Variants in MDGA2 observed in about 807,000 individuals in gnomAD.
MDGA2 encodes MAM domain-containing glycosylphosphatidylinositol anchor protein 2.
In MDGA2, 40 loss-of-function variants were observed where a neutral mutation model predicts 117.8. The ratio of observed to expected loss-of-function variants is 0.34; its 90% CI spans 0.26 to 0.44. The LOEUF (loss-of-function observed/expected upper bound fraction) is 0.44. MDGA2 is among the 20% of genes least tolerant of loss of function. The probability of loss-of-function intolerance (pLI) is 1.00; values close to 1 mark genes in which losing one functional copy is unlikely to be tolerated. For missense variants in MDGA2, 1,123 were observed against 1,250.6 expected (o/e 0.90, Z 1.54); for synonymous variants, 452 against 439.0 (o/e 1.03, Z -0.37).
In MDGA2 at chr14:47,096,935, C is replaced by A. The variant is rs1339011674; in HGVS notation, c.1114G>T (p.Asp372Tyr). The change falls in exon 6 of 17, where the codon GAT (aspartate) becomes TAT (tyrosine). Residue 372 changes from aspartate to tyrosine, a missense_variant. By Grantham distance (160) the Asp-to-Tyr change is radical (BLOSUM62 -3). Around this residue, in one of 2 missense-constraint regions of MDGA2, gnomAD observed 890 missense variants for 1,050.3 expected, o/e 0.85. Transcript: ENST00000399232. ...ATGCAGCTGTAAGTACCAGCATCAT[C>A]TGAGGTGATGGCAGGTATGGTCAAA... ...GTLTIPAITS[D>Y]DAGTYSCIAN... 6.2e-7 allele frequency: 1 copy of A among 1,613,266 alleles called. No homozygotes were observed. Among genetic ancestry groups the A allele is most frequent in the Non-Finnish European group, 8.5e-7 (1 of 1,179,516 alleles).
intron 2 of MDGA2, among the ~76,000 whole-genome samples, chr14:47,226,133 A>C (rs1424305539): frequency 1.3e-5 from 2 of 151,666 alleles, no homozygotes; most frequent in African/African-American, 2.4e-5. Flanking sequence ...TCTACAAAAA[A>C]TAAAAATAAA....
chr14:47,301,099 A>T (rs567044685), intron 2 of MDGA2, among the ~76,000 whole-genome samples: 27 of 152,274 alleles, frequency 1.8e-4, no homozygotes, highest in Admixed American at 7.2e-4. Context: ...TATCCTACTG[A>T]GATATTTTTG....
At chr14:47,323,149 GATATATATATATAT>G (rs58765297) in intron 1 of MDGA2, among the ~76,000 whole-genome samples, 2,203 of 107,624 alleles carry the variant, frequency 0.02, 66 homozygotes, top group East Asian at 0.1. Flanking sequence ...AAGAGTCATG[GATATATATATATAT>G]ATATATATAT....
chr14:47,051,630 C>T (rs1889460414), intron 7 of MDGA2, among the ~76,000 whole-genome samples: 1 of 151,828 alleles, frequency 6.6e-6, no homozygotes, highest in Non-Finnish European at 1.5e-5. Flanking sequence ...AAAGAAAGAG[C>T]TTTAAGACAT....
intron 14 of MDGA2, among the ~76,000 whole-genome samples, chr14:46,859,467 TGA>T (rs1405157337): frequency 2.0e-5 from 3 of 152,186 alleles, no homozygotes; most frequent in African/African-American, 7.2e-5. Flanking sequence ...CAGATTCCAA[TGA>T]CATCAATTGT....
chr14:47,589,258 C>T (rs1896390932), intron 1 of MDGA2, among the ~76,000 whole-genome samples: 1 of 151,968 alleles, frequency 6.6e-6, no homozygotes, highest in African/African-American at 2.4e-5. Flanking sequence ...CATTGCCTAA[C>T]CTAAACTCAT....
intron 1 of MDGA2, among the ~76,000 whole-genome samples, chr14:47,588,226 GGAGATAGATA>G (rs1896363236): frequency 1.2e-5 from 1 of 84,970 alleles, no homozygotes; most frequent in African/African-American, 5.3e-5. Flanking sequence ...CAAATCTCTT[GGAGATAGATA>G]GATATATATA....
intron 10 of MDGA2, among the ~76,000 whole-genome samples, chr14:46,912,079 G>A (rs561668600): frequency 8.5e-5 from 13 of 152,072 alleles, no homozygotes; most frequent in Non-Finnish European, 1.5e-4. Flanking sequence ...ATCCACAGAC[G>A]AGGGAGAATA....
At chr14:46,972,840 C>T (rs1283513994) in intron 8 of MDGA2, among the ~76,000 whole-genome samples, 1 of 152,018 alleles carries the variant, frequency 6.6e-6, no homozygotes, top group Non-Finnish European at 1.5e-5. Context: ...AAAAGAAAAA[C>T]TACAGACTGG....
chr14:47,289,621 A>G (rs12431629), intron 2 of MDGA2, among the ~76,000 whole-genome samples: 13,832 of 152,112 alleles, frequency 0.091, 774 homozygotes, highest in Non-Finnish European at 0.11. Context: ...TAAAAAAATT[A>G]CAACTGTTTT....
chr14:47,226,228 A>AATAC (rs996924731), intron 2 of MDGA2, among the ~76,000 whole-genome samples: 2 of 144,814 alleles, frequency 1.4e-5, no homozygotes, highest in African/African-American at 5.0e-5. Context: ...TAAATAAATA[A>AATAC]ATAAATAAAT....
intron 9 of MDGA2, among the ~76,000 whole-genome samples, chr14:46,922,048 A>G (rs114724274): frequency 1.1e-3 from 168 of 152,286 alleles, no homozygotes; most frequent in African/African-American, 4.0e-3. Context: ...TTCAAAGAGA[A>G]TCAAGAAGAG....
intron 1 of MDGA2, among the ~76,000 whole-genome samples, chr14:47,305,695 G>A (rs1889420599): frequency 6.6e-6 from 1 of 152,142 alleles, no homozygotes. Context: ...ACTCTGTGCT[G>A]GGGATATGAT....
intron 7 of MDGA2, among the ~76,000 whole-genome samples, chr14:47,052,489 A>G (rs1194730299): frequency 1.3e-5 from 2 of 151,840 alleles, no homozygotes; most frequent in African/African-American, 4.8e-5. Flanking sequence ...TATAAATCCA[A>G]TGTTCTTTCC....
At chr14:47,136,055 A>G (rs757382555) in intron 4 of MDGA2, among the ~76,000 whole-genome samples, 2 of 152,034 alleles carry the variant, frequency 1.3e-5, no homozygotes, top group Non-Finnish European at 2.9e-5. Context: ...AATTTTTTTC[A>G]CCAAGGCTTG....
At chr14:47,461,031 TG>T (rs1234192748) in intron 1 of MDGA2, among the ~76,000 whole-genome samples, 1 of 152,192 alleles carries the variant, frequency 6.6e-6, no homozygotes, top group African/African-American at 2.4e-5. Context: ...CTTCAAATAT[TG>T]TTTTTTGAAA....
At chr14:47,431,369 A>C (rs527571831) in intron 1 of MDGA2, among the ~76,000 whole-genome samples, 1 of 152,160 alleles carries the variant, frequency 6.6e-6, no homozygotes, top group Admixed American at 6.6e-5. Flanking sequence ...CATTTATATT[A>C]ATCTTTTTAT....
intron 8 of MDGA2, among the ~76,000 whole-genome samples, chr14:46,982,859 C>G (rs560525928): frequency 5.3e-5 from 8 of 151,808 alleles, no homozygotes; most frequent in Non-Finnish European, 8.8e-5. Context: ...TAGGAGTGGT[C>G]AGAGAGGGCA....
intron 1 of MDGA2, among the ~76,000 whole-genome samples, chr14:47,336,587 A>C (rs1397876524): frequency 6.6e-6 from 1 of 151,930 alleles, no homozygotes; most frequent in Admixed American, 6.6e-5. Flanking sequence ...AAATTAAAGT[A>C]CCCACTTTGA....
Sources: allele counts gnomAD v4.1 joint callset (sites outside exome capture counted in the v4.1 genomes callset), GRCh38; gene constraint gnomAD v4.1.1; regional missense constraint gnomAD v4.1.1; transcripts MANE v1.5; gene names NCBI Gene and HGNC (gene_info 2026-07-23, HGNC 2026-07-21).